PSD3: variants seen among roughly 807,000 people sequenced by gnomAD.
The protein encoded by PSD3 is PH and SEC7 domain-containing protein 3.
A neutral mutation model predicts 105.5 loss-of-function variants in PSD3; 49 were observed. That is an observed-to-expected ratio of 0.46 (90% confidence interval 0.37 to 0.59). The LOEUF is 0.59. Ranked by LOEUF, PSD3 falls within the 20% of genes least tolerant of loss-of-function variation. The pLI is 0.00. For missense variants in PSD3, 1,561 were observed against 1,263.8 expected, an observed-to-expected ratio of 1.24 and a Z score of -3.57; for synonymous variants, 557 against 457.8, an observed-to-expected ratio of 1.22 and a Z score of -2.77.
intron 1 of PSD3, among the ~76,000 whole-genome samples, chr8:18,949,264 T>A (rs1233800254): frequency 7.4e-5 from 8 of 108,132 alleles, no homozygotes; most frequent in East Asian, 2.6e-4. Flanking sequence ...TATATATATA[T>A]ATATATATAT....
At chr8:18,655,202 G>A (rs376761951) in intron 10 of PSD3, among the ~76,000 whole-genome samples, 9 of 151,470 alleles carry the variant, frequency 5.9e-5, no homozygotes, top group East Asian at 3.9e-4. Context: ...GGTGGTGGGC[G>A]CCTGTAGTCC....
chr8:18,903,744 C>T (rs563946556), intron 2 of PSD3, among the ~76,000 whole-genome samples: 8 of 152,244 alleles, frequency 5.3e-5, no homozygotes, highest in African/African-American at 1.9e-4. Flanking sequence ...GCACAGTTTC[C>T]CTAGGATGCA....
intron 14 of PSD3, among the ~76,000 whole-genome samples, chr8:18,559,908 G>A (rs937448151): frequency 6.6e-6 from 1 of 152,136 alleles, no homozygotes; most frequent in African/African-American, 2.4e-5. Context: ...GCAGCATAAA[G>A]GGCTAGTCAT....
At chr8:18,811,674 A>G (rs1811695218) in intron 4 of PSD3, among the ~76,000 whole-genome samples, 1 of 152,156 alleles carries the variant, frequency 6.6e-6, no homozygotes, top group South Asian at 2.1e-4. Context: ...ATGATAAAAT[A>G]ACAGCATTCC....
At chr8:18,694,795 G>T (rs1801171808) in intron 9 of PSD3, among the ~76,000 whole-genome samples, 1 of 149,752 alleles carries the variant, frequency 6.7e-6, no homozygotes, top group Non-Finnish European at 1.5e-5. Context: ...ACCAGCCTGG[G>T]CAACATAGTG....
chr8:18,984,147 G>A (rs917267022), intron 1 of PSD3, among the ~76,000 whole-genome samples: 2 of 151,136 alleles, frequency 1.3e-5, no homozygotes, highest in Non-Finnish European at 2.9e-5. Context: ...GGAAAATGAT[G>A]CTGAAAGACT....
intron 11 of PSD3, among the ~76,000 whole-genome samples, chr8:18,608,770 GT>G (rs201574879): frequency 1.3e-5 from 2 of 151,552 alleles, no homozygotes; most frequent in Admixed American, 6.6e-5. Flanking sequence ...TGCCAGAAAA[GT>G]TTTTTTTTAA....
chr8:18,894,932 A>AAG (rs1819041397), intron 2 of PSD3, among the ~76,000 whole-genome samples: 1 of 152,240 alleles, frequency 6.6e-6, no homozygotes, highest in Non-Finnish European at 1.5e-5. Flanking sequence ...TAAAGCTCTC[A>AAG]AGAGAGATTT....
intron 8 of PSD3, among the ~76,000 whole-genome samples, chr8:18,767,209 CA>C (rs1379170989): frequency 1.3e-5 from 2 of 152,118 alleles, no homozygotes; most frequent in Non-Finnish European, 2.9e-5. Context: ...ATCCAAACTA[CA>C]AAAAGAGCAA....
chr8:18,961,562 T>C (rs1404343642), intron 1 of PSD3, among the ~76,000 whole-genome samples: 2 of 152,020 alleles, frequency 1.3e-5, no homozygotes, highest in Non-Finnish European at 2.9e-5. Flanking sequence ...TGGTGGCACA[T>C]GCTTGTAATC....
At chr8:18,875,393 G>C (rs555977444) in intron 2 of PSD3, among the ~76,000 whole-genome samples, 5 of 152,154 alleles carry the variant, frequency 3.3e-5, no homozygotes, top group Admixed American at 1.3e-4. Flanking sequence ...AAACAATAAA[G>C]AGCCTTCTTC....
chr8:19,007,435 C>T (rs947849111), intron 1 of PSD3, among the ~76,000 whole-genome samples: 1 of 152,010 alleles, frequency 6.6e-6, no homozygotes, highest in Non-Finnish European at 1.5e-5. Context: ...AGCCACATTT[C>T]ACATGCTTAG....
chr8:18,630,999 A>T (rs1806856009), intron 11 of PSD3, among the ~76,000 whole-genome samples: 1 of 151,972 alleles, frequency 6.6e-6, no homozygotes, highest in Non-Finnish European at 1.5e-5. Context: ...CCCTGGAATC[A>T]ATCCCCTACA....
intron 9 of PSD3, among the ~76,000 whole-genome samples, chr8:18,739,491 G>T (rs1804399332): frequency 6.6e-6 from 1 of 152,114 alleles, no homozygotes; most frequent in Non-Finnish European, 1.5e-5. Context: ...TTATAGGGTT[G>T]AAAATAAAGA....
chr8:19,031,299 A>T (rs334198), intron 1 of PSD3, among the ~76,000 whole-genome samples: 4 of 152,032 alleles, frequency 2.6e-5, no homozygotes, highest in Non-Finnish European at 5.9e-5. Context: ...AATACCTAGC[A>T]CAAACTACAC....
At chr8:18,888,788 T>C (rs1818595440) in intron 2 of PSD3, among the ~76,000 whole-genome samples, 1 of 152,150 alleles carries the variant, frequency 6.6e-6, no homozygotes, top group South Asian at 2.1e-4. Context: ...CCCTATGAGA[T>C]GTAAGCTGGA....
At chr8:19,062,714 T>C (rs1292588197) in intron 1 of PSD3, among the ~76,000 whole-genome samples, 2 of 152,344 alleles carry the variant, frequency 1.3e-5, no homozygotes, top group African/African-American at 4.8e-5. Flanking sequence ...AGTTGTGTTA[T>C]CACTTAAAGT....
At chr8:18,682,320 C>A (rs1454999226) in intron 9 of PSD3, among the ~76,000 whole-genome samples, 1 of 152,172 alleles carries the variant, frequency 6.6e-6, no homozygotes, top group Admixed American at 6.5e-5. Context: ...AGAGACGTCT[C>A]TTAGTGCTCT....
At chr8:18,752,422 CA>C (rs1453400040) in intron 9 of PSD3, among the ~76,000 whole-genome samples, 7 of 133,828 alleles carry the variant, frequency 5.2e-5, no homozygotes, top group African/African-American at 2.0e-4. Context: ...AAGTGATAAG[CA>C]ATACCACCAT....
Sources: gnomAD v4.1 joint callset for allele counts (sites outside exome capture counted in the v4.1 genomes callset) on GRCh38, gnomAD v4.1.1 for gene constraint, MANE v1.5 for transcripts, NCBI Gene and HGNC (gene_info 2026-07-23, HGNC 2026-07-21) for gene names.